Variants in GABRB2 observed in about 807,000 individuals in gnomAD.
GABRB2 encodes gamma-aminobutyric acid receptor subunit beta-2.
In GABRB2, 16 loss-of-function variants were observed where a neutral mutation model predicts 54.7. The ratio of observed to expected loss-of-function variants is 0.29; its 90% CI spans 0.20 to 0.44. The LOEUF (loss-of-function observed/expected upper bound fraction) is 0.44, where lower values mean the gene tolerates loss of function less well. GABRB2 is among the 20% of genes least tolerant of loss of function. The pLI, the probability that GABRB2 is intolerant of heterozygous loss-of-function variation, is 1.00. For missense variants in GABRB2, 355 were observed against 644.0 expected (o/e 0.55, Z 4.86); for synonymous variants, 244 against 233.8 (o/e 1.04, Z -0.40).
chr5:161,547,714 G>C (rs1174242810), upstream of GABRB2, among the ~76,000 whole-genome samples: 1 of 152,114 alleles, frequency 6.6e-6, no homozygotes, highest in Non-Finnish European at 1.5e-5. Context: ...TGCGGGTGAC[G>C]GGCGCCCTAG....
At chr5:161,304,943 C>G (rs1757640902) in intron 9 of GABRB2, among the ~76,000 whole-genome samples, 4 of 148,326 alleles carry the variant, frequency 2.7e-5, no homozygotes, top group Admixed American at 2.7e-4. Context: ...AGATTGGGAT[C>G]AGATTGAAAA....
At chr5:161,301,458 A>T (rs139519527) in intron 9 of GABRB2, among the ~76,000 whole-genome samples, 24 of 152,030 alleles carry the variant, frequency 1.6e-4, no homozygotes, top group African/African-American at 5.3e-4. Context: ...AAGAAAGACA[A>T]TTTCCCTTTA....
At chr5:161,514,083 G>T (rs1185106431) in intron 3 of GABRB2, among the ~76,000 whole-genome samples, 2 of 152,148 alleles carry the variant, frequency 1.3e-5, no homozygotes, top group African/African-American at 4.8e-5. Context: ...TATCAGCTAA[G>T]TGTGATTTCA....
chr5:161,495,570 T>C (rs1759214631), intron 3 of GABRB2, among the ~76,000 whole-genome samples: 1 of 152,054 alleles, frequency 6.6e-6, no homozygotes, highest in Non-Finnish European at 1.5e-5. Context: ...CCTGAGAAAT[T>C]AAATGTTAAC....
At chr5:161,424,293 G>A (rs1756933688) in intron 4 of GABRB2, among the ~76,000 whole-genome samples, 2 of 152,126 alleles carry the variant, frequency 1.3e-5, no homozygotes, top group Non-Finnish European at 2.9e-5. Context: ...TGCTATCTAG[G>A]ACTTTCATAG....
intron 4 of GABRB2, among the ~76,000 whole-genome samples, chr5:161,422,217 C>T (rs926804454): frequency 1.3e-5 from 2 of 152,042 alleles, no homozygotes; most frequent in African/African-American, 4.8e-5. Flanking sequence ...ATGTTAAACA[C>T]AACTTTATTT....
At chr5:161,445,848 A>G (rs1757601548) in intron 4 of GABRB2, among the ~76,000 whole-genome samples, 1 of 152,150 alleles carries the variant, frequency 6.6e-6, no homozygotes, top group Admixed American at 6.6e-5. Flanking sequence ...TATGAAAACC[A>G]AATAGTGTCT....
intron 5 of GABRB2, among the ~76,000 whole-genome samples, chr5:161,338,973 T>C (rs942707753): frequency 2.0e-5 from 3 of 152,130 alleles, no homozygotes; most frequent in Non-Finnish European, 4.4e-5. Flanking sequence ...ACTTTTCCTA[T>C]GATTTCAACT....
chr5:161,538,284 A>T (rs939340046), intron 3 of GABRB2, among the ~76,000 whole-genome samples: 1 of 152,200 alleles, frequency 6.6e-6, no homozygotes, highest in African/African-American at 2.4e-5. Flanking sequence ...ACACTGGGAG[A>T]GACACCATAA....
In GABRB2 at chr5:161,482,615, A is replaced by G. The variant is rs139017563; in HGVS notation, c.238-22771T>C. On this transcript the variant is annotated intron_variant, in intron 3 of 9. Coordinates refer to ENST00000393959, the MANE Select transcript of GABRB2 (RefSeq NM_001371727.1). ...TTTAAAAAGGTGATACCTCAAAGGC[A>G]TGGGCATAACTATGGAATTTATTTT... 3.5e-3 allele frequency among the ~76,000 whole-genome samples: 535 copies of G among 152,206 alleles called. 4 individuals are homozygous for G. Among genetic ancestry groups the G allele is most frequent in the African/African-American group, 7.7e-3 (319 of 41,566 alleles).
chr5:161,341,325 G>A (rs549370855), intron 5 of GABRB2, among the ~76,000 whole-genome samples: 6 of 151,772 alleles, frequency 4.0e-5, no homozygotes, highest in African/African-American at 1.5e-4. Flanking sequence ...TCTTTAAAAA[G>A]ATATCAGAAG....
chr5:161,545,333 CTTCA>C, intron 2 of GABRB2, 39 bp from the exon 3 acceptor site: 8 of 1,520,322 alleles, frequency 5.3e-6, no homozygotes, highest in Non-Finnish European at 7.2e-6. Context: ...TTTCTTTGAA[CTTCA>C]TTCATTCTCA....
chr5:161,365,073 C>T (rs980822231), intron 5 of GABRB2, among the ~76,000 whole-genome samples: 1 of 152,164 alleles, frequency 6.6e-6, no homozygotes, highest in Non-Finnish European at 1.5e-5. Flanking sequence ...GAGAAAGGCT[C>T]AAGCTACAGC....
chr5:161,391,993 T>A (rs921309043), intron 5 of GABRB2, among the ~76,000 whole-genome samples: 1 of 152,106 alleles, frequency 6.6e-6, no homozygotes, highest in African/African-American at 2.4e-5. Flanking sequence ...AGCAGAAAAA[T>A]TGACAGCAGG....
At chr5:161,357,743 G>T (rs1001526418) in intron 5 of GABRB2, among the ~76,000 whole-genome samples, 11 of 151,962 alleles carry the variant, frequency 7.2e-5, no homozygotes, top group Admixed American at 2.6e-4. Flanking sequence ...TGAAGATCCA[G>T]CTAATAGGAT....
intron 8 of GABRB2, among the ~76,000 whole-genome samples, chr5:161,328,764 T>C (rs1753736725): frequency 2.0e-5 from 3 of 152,148 alleles, no homozygotes; most frequent in South Asian, 4.1e-4. Flanking sequence ...CTGCCAAATG[T>C]GTAGCAGCAA....
chr5:161,339,661 A>G (rs914458358), intron 5 of GABRB2, among the ~76,000 whole-genome samples: 3 of 152,104 alleles, frequency 2.0e-5, no homozygotes, highest in Non-Finnish European at 4.4e-5. Flanking sequence ...CACTTCCATT[A>G]TCTCATTTAA....
chr5:161,310,383 T>G (rs1299917830), intron 9 of GABRB2, among the ~76,000 whole-genome samples: 1 of 152,212 alleles, frequency 6.6e-6, no homozygotes, highest in Non-Finnish European at 1.5e-5. Context: ...AATCTCCATC[T>G]CTCTTAGATA....
chr5:161,312,456 C>T (rs1757898094), intron 9 of GABRB2, among the ~76,000 whole-genome samples: 2 of 152,066 alleles, frequency 1.3e-5, no homozygotes, highest in Non-Finnish European at 2.9e-5. Context: ...GAAGGTCAAC[C>T]CCAGCTGATA....
Sources: gnomAD v4.1 joint callset for allele counts (sites outside exome capture counted in the v4.1 genomes callset) on GRCh38, gnomAD v4.1.1 for gene constraint, MANE v1.5 for transcripts, NCBI Gene and HGNC (gene_info 2026-07-23, HGNC 2026-07-21) for gene names.